Variants in TSHZ2 observed in about 807,000 individuals in gnomAD.
TSHZ2 encodes the protein teashirt zinc finger homeobox 2, also known as teashirt homolog 2.
In TSHZ2, 21 loss-of-function variants were observed where a neutral mutation model predicts 74.4. That is an observed-to-expected ratio of 0.28 (90% CI 0.20 to 0.41). The LOEUF (loss-of-function observed/expected upper bound fraction) is 0.41. Ranked by LOEUF, TSHZ2 falls within the 10% of genes least tolerant of loss-of-function variation. The pLI is 1.00. For synonymous variants in TSHZ2, 540 were observed against 515.3 expected (o/e 1.05, Z -0.65); for missense variants, 1,244 against 1,293.5 (o/e 0.96, Z 0.59).
intron 2 of TSHZ2, among the ~76,000 whole-genome samples, chr20:53,376,761 G>A (rs1292681581): frequency 2.6e-5 from 4 of 152,162 alleles, no homozygotes; most frequent in African/African-American, 9.7e-5. Flanking sequence ...CGACTAATCT[G>A]GCTTCCTCAC....
chr20:53,027,092 T>C (rs1280316119), intron 1 of TSHZ2, among the ~76,000 whole-genome samples: 1 of 140,790 alleles, frequency 7.1e-6, no homozygotes, highest in Non-Finnish European at 1.5e-5. Context: ...ACTTTTTTGC[T>C]ATCACAGCCA....
intron 2 of TSHZ2, among the ~76,000 whole-genome samples, chr20:53,428,624 G>A (rs1292721146): frequency 6.6e-6 from 1 of 152,144 alleles, no homozygotes; most frequent in East Asian, 1.9e-4. Flanking sequence ...TTAATTTTCT[G>A]AATGGAACAG....
chr20:53,141,800 G>A (rs905846039), intron 1 of TSHZ2, among the ~76,000 whole-genome samples: 5 of 152,232 alleles, frequency 3.3e-5, no homozygotes, highest in Non-Finnish European at 7.3e-5. Flanking sequence ...TTGTCAGTGT[G>A]ATGAAGTGTT....
chr20:52,993,797 A>G (rs746831400), intron 1 of TSHZ2, among the ~76,000 whole-genome samples: 1 of 152,258 alleles, frequency 6.6e-6, no homozygotes, highest in Non-Finnish European at 1.5e-5. Context: ...CTTGTGACAC[A>G]TAGTACACTG....
chr20:53,317,774 T>A (rs1979083736), intron 2 of TSHZ2, among the ~76,000 whole-genome samples: 1 of 152,166 alleles, frequency 6.6e-6, no homozygotes, highest in South Asian at 2.1e-4. Context: ...ACATTGCCGA[T>A]CAAAAACCCT....
chr20:53,223,270 T>A (rs1011260745), intron 1 of TSHZ2, among the ~76,000 whole-genome samples: 2 of 152,222 alleles, frequency 1.3e-5, no homozygotes, highest in Non-Finnish European at 2.9e-5. Flanking sequence ...AACATGAATT[T>A]TTTTAACTTC....
chr20:52,991,491 G>A (rs1981989630), intron 1 of TSHZ2, among the ~76,000 whole-genome samples: 2 of 145,658 alleles, frequency 1.4e-5, no homozygotes, highest in African/African-American at 5.2e-5. Context: ...TGTTGTAGGA[G>A]AAGAGAGTGT....
chr20:53,088,390 G>A (rs902176903), intron 1 of TSHZ2, among the ~76,000 whole-genome samples: 12 of 152,276 alleles, frequency 7.9e-5, no homozygotes, highest in Middle Eastern at 3.4e-3. Context: ...TGGGTACTAT[G>A]GAGGGAAATC....
intron 2 of TSHZ2, among the ~76,000 whole-genome samples, chr20:53,344,528 C>G (rs1980358129): frequency 6.6e-6 from 1 of 151,942 alleles, no homozygotes; most frequent in Non-Finnish European, 1.5e-5. Context: ...GGCCAAAAGT[C>G]AAGCTGATCA....
chr20:53,325,358 A>G (rs1301768802), intron 2 of TSHZ2, among the ~76,000 whole-genome samples: 3 of 152,202 alleles, frequency 2.0e-5, no homozygotes. Context: ...CATCATCTTA[A>G]TCATTAGTAA....
At chr20:53,367,569 A>G (rs940934386) in intron 2 of TSHZ2, among the ~76,000 whole-genome samples, 2 of 151,308 alleles carry the variant, frequency 1.3e-5, no homozygotes, top group African/African-American at 4.9e-5. Flanking sequence ...TTCTTCTCCC[A>G]TTTTCTTATT....
intron 2 of TSHZ2, among the ~76,000 whole-genome samples, chr20:53,365,780 G>A (rs1309851923): frequency 6.6e-6 from 1 of 152,166 alleles, no homozygotes. Context: ...TCTCTCTTCT[G>A]GAAAAGTCTC....
At chr20:53,414,268 T>A (rs1983157351) in intron 2 of TSHZ2, among the ~76,000 whole-genome samples, 1 of 152,230 alleles carries the variant, frequency 6.6e-6, no homozygotes, top group African/African-American at 2.4e-5. Context: ...TTGTAGTGTT[T>A]GACTTTTTAC....
Position 53,256,172 on chromosome 20 carries a change from A to T in TSHZ2, c.2714A>T (p.Tyr905Phe), listed in dbSNP as rs749328203. The T allele has an allele frequency of 1.9e-6, 3 of 1,612,900 alleles. No individual in the cohort carries two copies. The South Asian group carries it at 3.3e-5, about 18-fold the overall frequency. The change falls in exon 2 of 3, where the codon TAC becomes TTC. Residue 905 changes from tyrosine (Y) to phenylalanine (F), a missense_variant. Tyr to Phe is a conservative substitution (Grantham distance 22). Transcript: ENST00000371497. This position sits in a 1 kb window ranked among gnomAD's most constrained non-coding sequence, Gnocchi z 4.3. ...AGTCACTGGCTGGCCAACGTCAAGT[A>T]CCAGCTTAGGAAAACGGGCGGGACA... ...TISHWLANVK[Y>F]QLRKTGGTKF...
intron 2 of TSHZ2, among the ~76,000 whole-genome samples, chr20:53,429,453 T>G (rs1386794343): frequency 6.6e-6 from 1 of 152,210 alleles, no homozygotes; most frequent in Non-Finnish European, 1.5e-5. Context: ...GTTCTCGTGA[T>G]AGTGAATAAG....
intron 1 of TSHZ2, among the ~76,000 whole-genome samples, chr20:53,106,450 G>A (rs1366140737): frequency 8.2e-6 from 1 of 121,364 alleles, no homozygotes; most frequent in Non-Finnish European, 1.6e-5. Context: ...TGTCTCCCAA[G>A]CTGGAGTGCA....
At chr20:53,314,634 T>TC (rs1978925359) in intron 2 of TSHZ2, among the ~76,000 whole-genome samples, 1 of 150,922 alleles carries the variant, frequency 6.6e-6, no homozygotes. Flanking sequence ...TTTTTTTTTT[T>TC]TTTTTTTGAG....
chr20:53,397,491 G>A (rs1982492534), intron 2 of TSHZ2, among the ~76,000 whole-genome samples: 1 of 152,226 alleles, frequency 6.6e-6, no homozygotes, highest in Non-Finnish European at 1.5e-5. Flanking sequence ...TGCTGGAGAG[G>A]ATGTGGAGAA....
chr20:53,202,968 T>C (rs1277309567), intron 1 of TSHZ2, among the ~76,000 whole-genome samples: 1 of 152,158 alleles, frequency 6.6e-6, no homozygotes, highest in East Asian at 1.9e-4. Flanking sequence ...ACAAAGCCAT[T>C]AGCGATGAAT....
Sources: gnomAD v4.1 joint callset for allele counts (sites outside exome capture counted in the v4.1 genomes callset) on GRCh38, gnomAD v4.1.1 for gene constraint, Gnocchi (gnomAD v3.1) non-coding constraint, MANE v1.5 for transcripts, NCBI Gene and HGNC (gene_info 2026-07-23, HGNC 2026-07-21) for gene names.